The following SV2C variants were observed in gnomAD, a reference collection of about 807,000 sequenced individuals.
SV2C encodes the protein solute carrier family 22 member B3.
SV2C carries 49 observed loss-of-function variants against 79.7 expected under a neutral mutation model. The ratio of observed to expected loss-of-function variants is 0.61; its 90% CI spans 0.49 to 0.78. The LOEUF (loss-of-function observed/expected upper bound fraction) is 0.78. Ranked by LOEUF, SV2C falls within the 30% of genes least tolerant of loss-of-function variation. The pLI is 0.00. For synonymous variants in SV2C, 334 were observed against 333.2 expected (o/e 1.00, Z -0.03); for missense variants, 833 against 912.9 (o/e 0.91, Z 1.13).
the SV2C span, among the ~76,000 whole-genome samples, chr5:75,948,814 G>A: frequency 1.3e-5 from 2 of 151,984 alleles, no homozygotes; most frequent in African/African-American, 4.8e-5. Flanking sequence ...AGATAGGAAA[G>A]GAGATAAGAA....
intron 4 of SV2C, among the ~76,000 whole-genome samples, chr5:76,256,531 GT>G (rs1180478477): frequency 6.6e-6 from 1 of 152,164 alleles, no homozygotes; most frequent in Non-Finnish European, 1.5e-5. Context: ...ACCCTTAAAC[GT>G]TTTAGCTTTG....
chr5:76,137,506 C>A (rs1372483052), intron 2 of SV2C, among the ~76,000 whole-genome samples: 1 of 151,968 alleles, frequency 6.6e-6, no homozygotes, highest in African/African-American at 2.4e-5. Context: ...GAGGTCAGGA[C>A]CAGAATGGCA....
At chr5:76,093,071 G>T (rs1480262539) in intron 1 of SV2C, among the ~76,000 whole-genome samples, 1 of 152,082 alleles carries the variant, frequency 6.6e-6, no homozygotes, top group South Asian at 2.1e-4. Flanking sequence ...TTTTATTAAG[G>T]TATATTATAT....
rs958020998 is a variant in SV2C at position 76,299,143 on chromosome 5, GCAA to G, written c.1636+229_1636+231del. ...GGAGCTTGCCAAAGTTCAAAAGTTG[GCAA>G]CAACAACAACAAAAAAATCCTTTGA... On this transcript the variant is annotated intron_variant, in intron 10 of 12. Coordinates refer to ENST00000502798, the MANE Select transcript of SV2C (RefSeq NM_014979.4). 5.3e-5 allele frequency among the ~76,000 whole-genome samples: 8 copies of G among 152,110 alleles called. No homozygotes were observed. The East Asian group carries it at 9.6e-4, about 18-fold the overall frequency.
At chr5:76,048,987 G>GA in the SV2C span, among the ~76,000 whole-genome samples, 1,432 of 80,174 alleles carry the variant, frequency 0.018, 51 homozygotes, top group African/African-American at 0.051. Context: ...AAGAAAGAAA[G>GA]AAAGAAAGAA....
chr5:76,198,096 G>A (rs905177604), intron 3 of SV2C, among the ~76,000 whole-genome samples: 1 of 152,070 alleles, frequency 6.6e-6, no homozygotes, highest in African/African-American at 2.4e-5. Context: ...CCACCCCTGA[G>A]GGCAGAACTT....
At chr5:76,015,008 A>G in the SV2C span, among the ~76,000 whole-genome samples, 1 of 152,188 alleles carries the variant, frequency 6.6e-6, no homozygotes. Context: ...CCCATCCAAT[A>G]TTCCATATGA....
the SV2C span, among the ~76,000 whole-genome samples, chr5:75,853,596 A>C: frequency 9.2e-6 from 1 of 108,174 alleles, no homozygotes; most frequent in African/African-American, 3.6e-5. Flanking sequence ...CAGCAGAGCA[A>C]GACTCCGTCT....
intron 12 of SV2C, among the ~76,000 whole-genome samples, chr5:76,347,163 G>T (rs1253979144): frequency 6.6e-6 from 1 of 152,168 alleles, no homozygotes; most frequent in African/African-American, 2.4e-5. Flanking sequence ...CAGCATATGG[G>T]ATGGATTTCA....
chr5:75,896,525 C>T, the SV2C span, among the ~76,000 whole-genome samples: 7 of 151,824 alleles, frequency 4.6e-5, no homozygotes, highest in Non-Finnish European at 1.0e-4. Flanking sequence ...AATAAACATA[C>T]GTGTGCATGT....
intron 1 of SV2C, among the ~76,000 whole-genome samples, chr5:76,099,241 G>A (rs777395037): frequency 2.6e-5 from 4 of 152,046 alleles, no homozygotes; most frequent in African/African-American, 9.7e-5. Context: ...TTTAAAAATT[G>A]TATGATCTTT....
At chr5:76,158,495 A>G (rs1742807256) in intron 2 of SV2C, among the ~76,000 whole-genome samples, 1 of 151,950 alleles carries the variant, frequency 6.6e-6, no homozygotes, top group South Asian at 2.1e-4. Context: ...TATTAGGATG[A>G]TATAACAATT....
At position 76,298,846 on chromosome 5, in the gene SV2C, T is replaced by C; in HGVS notation, c.1555T>C (p.Ser519Pro). ...AACTTTCAAAGACTCTGTTTTTAAG[T>C]CCTGCACCTTTGAGGATGTAACTTC... is the stretch of plus-strand genomic sequence containing the variant. ...SVTFKDSVFK[S>P]CTFEDVTSVN... Residue 519 changes from serine (S) to proline (P), a missense_variant, in exon 10 of 13, where the codon TCC becomes CCC. Transcript: ENST00000502798. 6.2e-7 allele frequency: 1 copy of C among 1,614,006 alleles called. No homozygotes were observed. The highest frequency in any genetic ancestry group is 8.5e-7 in the Non-Finnish European group (1 of 1,179,890).
intron 1 of SV2C, among the ~76,000 whole-genome samples, chr5:76,128,261 AG>A (rs1233429467): frequency 3.3e-5 from 5 of 152,188 alleles, no homozygotes; most frequent in Non-Finnish European, 1.5e-5. Context: ...CCACCATCCT[AG>A]GGTAGTTTAT....
the SV2C span, among the ~76,000 whole-genome samples, chr5:75,961,941 A>G: frequency 1.3e-5 from 2 of 152,088 alleles, no homozygotes. Flanking sequence ...TGTTCATGCT[A>G]TCTGAAAGAA....
chr5:75,948,098 T>C, the SV2C span, among the ~76,000 whole-genome samples: 1 of 152,034 alleles, frequency 6.6e-6, no homozygotes, highest in African/African-American at 2.4e-5. Context: ...TGTCCTGTTA[T>C]AGCATCCCTC....
At chr5:76,235,180 C>CAA (rs11336133) in intron 4 of SV2C, among the ~76,000 whole-genome samples, 21 of 131,038 alleles carry the variant, frequency 1.6e-4, no homozygotes, top group Admixed American at 1.4e-3. Context: ...GAGAAAAGGG[C>CAA]AAAAAAAAAA....
Position 76,209,725 on chromosome 5 carries a change from C to T in SV2C, c.762-11C>T, listed in dbSNP as rs764088767. The T allele has an allele frequency of 6.2e-7, 1 of 1,612,832 alleles. No homozygotes were observed. The highest frequency in any genetic ancestry group is 8.5e-7 in the Non-Finnish European group (1 of 1,179,320). Reference sequence around the variant, plus strand: ...ACCCTGATTTCATGTATTCTCTGTACCTCTTGGCAGGATTGGAGGAGCCAT... The same window carrying T: ...ACCCTGATTTCATGTATTCTCTGTATCTCTTGGCAGGATTGGAGGAGCCAT... On this transcript the variant is annotated splice_polypyrimidine_tract_variant and intron_variant, in intron 3 of 12. Transcript: ENST00000502798.
the SV2C span, among the ~76,000 whole-genome samples, chr5:76,052,170 A>G: frequency 1.3e-5 from 2 of 152,182 alleles, no homozygotes; most frequent in Non-Finnish European, 2.9e-5. Context: ...TTTAAAGGAA[A>G]ATGTTCCTTC....
Sources: allele counts gnomAD v4.1 joint callset (sites outside exome capture counted in the v4.1 genomes callset), GRCh38; gene constraint gnomAD v4.1.1; transcripts MANE v1.5; gene names NCBI Gene and HGNC (gene_info 2026-07-23, HGNC 2026-07-21).